PTPN1: variants seen among roughly 807,000 people sequenced by gnomAD.
PTPN1 encodes the protein tyrosine-protein phosphatase non-receptor type 1.
PTPN1 carries 12 observed loss-of-function variants against 59.9 expected under a neutral mutation model. The ratio of observed to expected loss-of-function variants is 0.20; its 90% confidence interval spans 0.13 to 0.32. The LOEUF (loss-of-function observed/expected upper bound fraction) is 0.32. Ranked by LOEUF, PTPN1 falls within the 10% of genes least tolerant of loss-of-function variation. PTPN1 has a pLI of 1.00. For synonymous variants in PTPN1, 178 were observed against 203.6 expected (o/e 0.87, Z 1.07); for missense variants, 356 against 549.2 (o/e 0.65, Z 3.52).
rs202088173 is a variant in PTPN1 at position 50,578,584 on chromosome 20, C to A, written c.657C>A (p.Ile219=). 1 of 1,614,180 alleles carries A rather than the reference C, an allele frequency of 6.2e-7. No homozygotes were observed. Among genetic ancestry groups the A allele is most frequent in the Non-Finnish European group, 8.5e-7 (1 of 1,180,034 alleles). ...GPVVVHCSAG[I]GRSGTFCLAD... is the part of the protein sequence containing the mutation. ...TTGTGGTGCACTGCAGTGCAGGCAT[C>A]GGCAGGTCTGGAACCTTCTGTCTGG... is the stretch of plus-strand genomic sequence containing the variant. The change falls in exon 6 of 10, where the codon ATC becomes ATA. Residue 219 remains isoleucine (I), a synonymous_variant. Coordinates refer to ENST00000371621, the MANE Select transcript of PTPN1 (RefSeq NM_002827.4).
At chr20:50,580,000 G>A (rs1224316714) in intron 8 of PTPN1, 74 bp downstream of exon 8, 1 of 1,375,382 alleles carries the variant, frequency 7.3e-7, no homozygotes, top group Non-Finnish European at 1.0e-6. Flanking sequence ...CGCTGGTACT[G>A]AAACCCTGTG....
intron 2 of PTPN1, among the ~76,000 whole-genome samples, chr20:50,562,196 C>T (rs975374702): frequency 5.3e-5 from 8 of 152,174 alleles, no homozygotes; most frequent in Admixed American, 6.5e-5. Flanking sequence ...AGTGAGGGGT[C>T]GTAGCTGCCA....
chr20:50,573,616 G>A (rs1351414430), intron 4 of PTPN1: 1 of 152,234 alleles, frequency 6.6e-6, no homozygotes, highest in Non-Finnish European at 1.5e-5. Flanking sequence ...GTTGACACAC[G>A]CTGACATTTC....
chr20:50,563,202 C>T (rs2082761421), intron 2 of PTPN1: 1 of 152,002 alleles, frequency 6.6e-6, no homozygotes, highest in East Asian at 1.9e-4. Flanking sequence ...TACTCCTATC[C>T]TCCTCCCGTA....
intron 1 of PTPN1, among the ~76,000 whole-genome samples, chr20:50,555,069 G>A (rs1348008455): frequency 6.6e-6 from 1 of 152,030 alleles, no homozygotes; most frequent in Admixed American, 6.6e-5. Flanking sequence ...TAAGAAATTA[G>A]AAAAAGAACA....
intron 1 of PTPN1, among the ~76,000 whole-genome samples, chr20:50,519,081 T>G (rs1213894899): frequency 6.6e-6 from 1 of 152,228 alleles, no homozygotes; most frequent in African/African-American, 2.4e-5. Flanking sequence ...AGTATTTTGT[T>G]TGGTCTGTTC....
chr20:50,520,302 C>T (rs569079075), intron 1 of PTPN1, among the ~76,000 whole-genome samples: 7 of 147,190 alleles, frequency 4.8e-5, no homozygotes, highest in South Asian at 2.1e-4. Flanking sequence ...ATCTGGGAGG[C>T]GGAGGTTGCA....
chr20:50,557,384 T>TA (rs1404143977), intron 1 of PTPN1, among the ~76,000 whole-genome samples: 1 of 152,030 alleles, frequency 6.6e-6, no homozygotes, highest in Non-Finnish European at 1.5e-5. Context: ...TACAGGCACA[T>TA]ACCACCATGC....
rs908123083 is a variant in PTPN1, at chr20:50,582,574, A to G, written c.1285-118A>G. ...GGCTACTGTAAAAAATAAAACCAAA[A>G]CCCCCTTTGCTCCCTCGGAGGTTGA... On this transcript the variant is annotated intron_variant, in intron 9 of 9. Transcript: ENST00000371621. The surrounding 1 kb of genome is among the most constrained non-coding windows in gnomAD (Gnocchi z 4.2). 4 of 1,022,880 alleles carry G rather than the reference A, an allele frequency of 3.9e-6. No individual in the cohort carries two copies. Among genetic ancestry groups the G allele is most frequent in the Non-Finnish European group, 5.8e-6 (4 of 690,486 alleles). 63.4% of individuals were successfully genotyped at this position (1,022,880 alleles called of 1,614,324 possible).
Position 50,582,817 on chromosome 20 carries a change from G to A in PTPN1, c.*102G>A, listed in dbSNP as rs1568800384. 20 of 1,442,204 alleles carry A rather than the reference G, an allele frequency of 1.4e-5. No individual in the cohort carries two copies. The highest frequency in any genetic ancestry group is 2.0e-4 in the Middle Eastern group (1 of 5,048). 89.3% of individuals were successfully genotyped at this position (1,442,204 alleles called of 1,614,324 possible). A position where few individuals can be genotyped will look rare whatever the true frequency, so the allele number is the denominator to read the frequency against. ...CGCGGTAGGTAAGGGCCGCCGGACC[G>A]CGTAGAGAGCCGGGCCCCGGACGGA... On this transcript the variant is annotated 3_prime_UTR_variant, in exon 10 of 10. Coordinates refer to ENST00000371621, the MANE Select transcript of PTPN1 (RefSeq NM_002827.4). The surrounding 1 kb of genome is among the most constrained non-coding windows in gnomAD (Gnocchi z 4.2).
At chr20:50,523,258 G>T (rs192172733) in intron 1 of PTPN1, among the ~76,000 whole-genome samples, 1 of 152,164 alleles carries the variant, frequency 6.6e-6, no homozygotes, top group South Asian at 2.1e-4. Context: ...AGAAGATGGT[G>T]ATCTGGTTGT....
At chr20:50,540,262 G>T (rs2082645315) in intron 1 of PTPN1, among the ~76,000 whole-genome samples, 1 of 152,072 alleles carries the variant, frequency 6.6e-6, no homozygotes, top group Non-Finnish European at 1.5e-5. Context: ...TCTCCATGTT[G>T]GTCAGGCTGG....
At chr20:50,546,185 G>A (rs1263084815) in intron 1 of PTPN1, among the ~76,000 whole-genome samples, 1 of 152,214 alleles carries the variant, frequency 6.6e-6, no homozygotes, top group Non-Finnish European at 1.5e-5. Context: ...CCCCCCTGAA[G>A]CGCAGGCTCT....
intron 1 of PTPN1, among the ~76,000 whole-genome samples, chr20:50,517,850 C>G (rs981452480): frequency 1.3e-5 from 2 of 152,130 alleles, no homozygotes; most frequent in Non-Finnish European, 2.9e-5. Context: ...CCCAAGTAGG[C>G]TTGTGTCCCT....
intron 1 of PTPN1, chr20:50,557,607 CTG>C (rs1357782630): frequency 1.1e-4 from 17 of 152,102 alleles, no homozygotes; most frequent in Admixed American, 1.0e-3. Flanking sequence ...CTGTACTGTA[CTG>C]TGTTTCTTTT....
intron 8 of PTPN1, 72 bp from the exon 9 acceptor site, chr20:50,581,193 C>T: frequency 6.6e-7 from 1 of 1,508,598 alleles, no homozygotes; most frequent in Non-Finnish European, 8.9e-7. Flanking sequence ...AGAATTCCTG[C>T]CACAATAGCA....
rs1365040838 is a variant in PTPN1 at position 50,510,522 on chromosome 20, C to T, written c.-6C>T. The T allele has an allele frequency of 6.5e-7, 1 of 1,549,708 alleles. No homozygotes were observed. Among genetic ancestry groups the T allele is most frequent in the East Asian group, 2.5e-5 (1 of 40,640 alleles). ...GAAGGAGGCGCAGCAGCCGCCCTGG[C>T]CCGTCATGGAGATGGAAAAGGAGTT... On this transcript the variant is annotated 5_prime_UTR_variant, in exon 1 of 10. Transcript: ENST00000371621.
intron 1 of PTPN1, among the ~76,000 whole-genome samples, chr20:50,558,785 C>A (rs776186380): frequency 5.9e-5 from 9 of 152,136 alleles, no homozygotes; most frequent in Non-Finnish European, 1.3e-4. Context: ...AGTCATACTC[C>A]TCCAATCCAG....
chr20:50,567,733 T>G (rs537328607), intron 3 of PTPN1, among the ~76,000 whole-genome samples: 27 of 152,332 alleles, frequency 1.8e-4, no homozygotes, highest in Non-Finnish European at 3.1e-4. Flanking sequence ...CTACATCTCC[T>G]AAGTTTGTTG....
Sources: allele counts gnomAD v4.1 joint callset (sites outside exome capture counted in the v4.1 genomes callset), GRCh38; gene constraint gnomAD v4.1.1; non-coding constraint Gnocchi (gnomAD v3.1); transcripts MANE v1.5; gene names NCBI Gene and HGNC (gene_info 2026-07-23, HGNC 2026-07-21).